The following MGAT3 variants were observed in gnomAD, a reference collection of about 807,000 sequenced individuals.
MGAT3 encodes the protein GlcNAc-T III.
In MGAT3, 9 loss-of-function variants were observed where a neutral mutation model predicts 29.8. That is an observed-to-expected ratio of 0.30 (90% CI 0.18 to 0.53). The LOEUF is 0.53. Ranked by LOEUF, MGAT3 falls within the 20% of genes least tolerant of loss-of-function variation. The pLI is 0.96. For synonymous variants in MGAT3, 397 were observed against 348.9 expected (o/e 1.14, Z -1.54); for missense variants, 557 against 769.5 (o/e 0.72, Z 3.27).
chr22:39,470,802 G>A (rs1390311642), intron 1 of MGAT3, among the ~76,000 whole-genome samples: 1 of 152,168 alleles, frequency 6.6e-6, no homozygotes, highest in African/African-American at 2.4e-5. Context: ...TCACATTGCT[G>A]ATAGAGGCAC....
In MGAT3 at chr22:39,479,620, C is replaced by T. The variant is rs80022836; in HGVS notation, c.-1-7727C>T. Among the ~76,000 whole-genome samples the T allele has an allele frequency of 2.0e-3, 301 of 152,384 alleles. 3 individuals are homozygous for T. The highest frequency in any genetic ancestry group is 6.9e-3 in the African/African-American group (285 of 41,596). On this transcript the variant is annotated intron_variant, in intron 1 of 1. Transcript: ENST00000341184. Reference sequence around the variant, plus strand: ...CACCCAAAGGCTCACTCTTTCTCTTCTCTGCCAGGCTGGGGAATAATAATA... The same window carrying T: ...CACCCAAAGGCTCACTCTTTCTCTTTTCTGCCAGGCTGGGGAATAATAATA...
At chr22:39,483,975 G>A (rs536980176) in intron 1 of MGAT3, among the ~76,000 whole-genome samples, 1 of 152,288 alleles carries the variant, frequency 6.6e-6, no homozygotes, top group East Asian at 1.9e-4. Context: ...CCTGATTGTC[G>A]GGATCAGCAG....
intron 1 of MGAT3, among the ~76,000 whole-genome samples, chr22:39,480,353 G>T (rs1191730833): frequency 6.6e-6 from 1 of 152,218 alleles, no homozygotes; most frequent in East Asian, 1.9e-4. Context: ...CCCAGGGAAG[G>T]CCCTAAGCCC....
chr22:39,461,453 G>A (rs1928494874), intron 1 of MGAT3, among the ~76,000 whole-genome samples: 1 of 152,100 alleles, frequency 6.6e-6, no homozygotes, highest in South Asian at 2.1e-4. Flanking sequence ...ACGCACACTT[G>A]CACTAACCCC....
At chr22:39,467,578 G>C (rs1045508433) in intron 1 of MGAT3, among the ~76,000 whole-genome samples, 1 of 152,216 alleles carries the variant, frequency 6.6e-6, no homozygotes, top group East Asian at 1.9e-4. Flanking sequence ...GTGTCCCAAA[G>C]AGGAGACACA....
chr22:39,480,627 A>G (rs1050153857), intron 1 of MGAT3, among the ~76,000 whole-genome samples: 5 of 152,096 alleles, frequency 3.3e-5, no homozygotes, highest in Non-Finnish European at 7.4e-5. Flanking sequence ...GACAAAGGTT[A>G]GCCCAGGACC....
intron 1 of MGAT3, chr22:39,486,391 C>T (rs1929273976): frequency 4.3e-6 from 1 of 229,904 alleles, no homozygotes; most frequent in Non-Finnish European, 8.8e-6. Context: ...GATCTGCCCA[C>T]CTCGGCCTCC....
intron 1 of MGAT3, among the ~76,000 whole-genome samples, chr22:39,467,246 G>T (rs1319919729): frequency 6.6e-6 from 1 of 152,230 alleles, no homozygotes; most frequent in Non-Finnish European, 1.5e-5. Context: ...CCCTTGTGAA[G>T]CACCTGTCTT....
rs1177373754 is a variant in MGAT3 at position 39,485,002 on chromosome 22, C to CA, written c.-1-2336dup. On this transcript the variant is annotated intron_variant, in intron 1 of 1. Transcript: ENST00000341184. ...TGGGTGACAGAGTGAGACCCTGTCT[C>CA]AAAAAAAAAGTGAGGGGGAGAGCAT... Among the ~76,000 whole-genome samples the CA allele has an allele frequency of 7.4e-5, 11 of 149,310 alleles. 1 individual carries two copies. The Middle Eastern group carries it at 0.021, about 279-fold the overall frequency.
intron 1 of MGAT3, among the ~76,000 whole-genome samples, chr22:39,466,578 C>T (rs1318479147): frequency 2.0e-5 from 3 of 152,190 alleles, no homozygotes; most frequent in Non-Finnish European, 4.4e-5. Context: ...TGATACTGGT[C>T]CCCTGCCCTC....
Position 39,488,225 on chromosome 22 carries a change from G to A in MGAT3, c.878G>A (p.Arg293His). 6.2e-7 allele frequency: 1 copy of A among 1,612,350 alleles called. No homozygotes were observed. Among genetic ancestry groups the A allele is most frequent in the Non-Finnish European group, 8.5e-7 (1 of 1,179,920 alleles). ...GGCTGGATCGCCGACGACTACCTGC[G>A]CACCTTCCTCACCCAGGACGGCGTC... is the stretch of plus-strand genomic sequence containing the variant. ...QDGWIADDYL[R>H]TFLTQDGVSR... The change falls in exon 2 of 2, where the codon CGC becomes CAC. Residue 293 changes from arginine to histidine, a missense_variant. This residue lies in a region of MGAT3 where 243 missense variants were observed against 444.0 expected (regional missense o/e 0.55). Transcript: ENST00000341184.
rs1008620729 is a variant in MGAT3 at position 39,457,936 on chromosome 22, C to A, written c.-2+379C>A. On this transcript the variant is annotated intron_variant, in intron 1 of 1. Coordinates refer to ENST00000341184, the MANE Select transcript of MGAT3 (RefSeq NM_002409.5). This position sits in a 1 kb window ranked among gnomAD's most constrained non-coding sequence, Gnocchi z 6.8. ...GGCGCGGCTCCCCCACAACCTCCGGCGCGGCGCGGGGCTGGGGTGGGAGGC... is the reference window on the plus strand; with the variant it reads ...GGCGCGGCTCCCCCACAACCTCCGGAGCGGCGCGGGGCTGGGGTGGGAGGC... 3.3e-5 allele frequency among the ~76,000 whole-genome samples: 5 copies of A among 151,700 alleles called. No individual in the cohort carries two copies. The highest frequency in any genetic ancestry group is 3.9e-4 in the East Asian group (2 of 5,128).
intron 1 of MGAT3, among the ~76,000 whole-genome samples, chr22:39,478,251 C>T (rs943926949): frequency 3.3e-5 from 5 of 152,216 alleles, no homozygotes; most frequent in African/African-American, 1.2e-4. Flanking sequence ...TACTTCCTGC[C>T]CAGAAGTAGA....
At position 39,487,286 on chromosome 22, in the gene MGAT3, C is replaced by T. The variant is rs1929301261; in HGVS notation, c.-1-61C>T. 1 of 1,523,916 alleles carries T rather than the reference C, an allele frequency of 6.6e-7. No homozygotes were observed. Among genetic ancestry groups the T allele is most frequent in the Non-Finnish European group, 8.8e-7 (1 of 1,130,304 alleles). The allele number at this position is 1,523,916 out of a possible 1,614,324, so 94.4% of individuals were successfully genotyped here. A position where few individuals can be genotyped will look rare whatever the true frequency, so the allele number is the denominator to read the frequency against. On this transcript the variant is annotated intron_variant, in intron 1 of 1. Transcript: ENST00000341184. This position sits in a 1 kb window ranked among gnomAD's most constrained non-coding sequence, Gnocchi z 5.7. ...GTGGCAGCAGAGGCCTCCTAGGTCC[C>T]CTTCCTAGGAAAGGAGCCTGGGCTG...
chr22:39,471,012 C>T (rs1038847593), intron 1 of MGAT3, among the ~76,000 whole-genome samples: 3 of 152,162 alleles, frequency 2.0e-5, no homozygotes, highest in Non-Finnish European at 4.4e-5. Flanking sequence ...CTCACAGAGG[C>T]AGAAGCACTC....
At chr22:39,468,275 T>C (rs1169118457) in intron 1 of MGAT3, among the ~76,000 whole-genome samples, 1 of 152,168 alleles carries the variant, frequency 6.6e-6, no homozygotes, top group Admixed American at 6.5e-5. Flanking sequence ...CAGGCAGGTG[T>C]GGCCTTGTCA....
chr22:39,466,768 G>C (rs773887055), intron 1 of MGAT3, among the ~76,000 whole-genome samples: 1 of 152,196 alleles, frequency 6.6e-6, no homozygotes, highest in African/African-American at 2.4e-5. Flanking sequence ...TACTGACCCC[G>C]GCCTCTAAGT....
chr22:39,478,917 C>T lies in MGAT3; in HGVS notation c.-1-8430C>T, dbSNP rs112360505. 2.7e-3 allele frequency among the ~76,000 whole-genome samples: 407 copies of T among 152,334 alleles called. 1 individual carries two copies. Among genetic ancestry groups the T allele is most frequent in the African/African-American group, 9.3e-3 (387 of 41,584 alleles). ...AGGGAGGGAAAGAAGGAAATCTGTC[C>T]AGCTCAGACCCTCCAGGCCATGGCC... On this transcript the variant is annotated intron_variant, in intron 1 of 1. Transcript: ENST00000341184.
chr22:39,465,370 C>A (rs940806040), intron 1 of MGAT3, among the ~76,000 whole-genome samples: 1 of 152,108 alleles, frequency 6.6e-6, no homozygotes, highest in African/African-American at 2.4e-5. Context: ...GGGCTGATAC[C>A]CTGGGCTCAG....
Sources: allele counts gnomAD v4.1 joint callset (sites outside exome capture counted in the v4.1 genomes callset), GRCh38; gene constraint gnomAD v4.1.1; regional missense constraint gnomAD v4.1.1; non-coding constraint Gnocchi (gnomAD v3.1); transcripts MANE v1.5; gene names NCBI Gene and HGNC (gene_info 2026-07-23, HGNC 2026-07-21).